The following ATP13A3 variants were observed in gnomAD, a reference collection of about 807,000 sequenced individuals.
ATP13A3 encodes the protein ATPase 13A3.
Under a neutral mutation model 158.1 loss-of-function variants are expected in ATP13A3, and 59 were observed. The ratio of observed to expected loss-of-function variants is 0.37; its 90% CI spans 0.30 to 0.46. The LOEUF is 0.46. ATP13A3 is among the 20% of genes least tolerant of loss of function. ATP13A3 has a pLI of 1.00. For synonymous variants in ATP13A3, 491 were observed against 504.3 expected, an observed-to-expected ratio of 0.97 and a Z score of 0.35; for missense variants, 1,166 against 1,525.2, an observed-to-expected ratio of 0.76 and a Z score of 3.92.
At chr3:194,473,760 G>A (rs1410661751) in intron 2 of ATP13A3, among the ~76,000 whole-genome samples, 2 of 152,076 alleles carry the variant, frequency 1.3e-5, no homozygotes, top group African/African-American at 2.4e-5. Flanking sequence ...GCAGCAGGGG[G>A]AAAAAACCTA....
At chr3:194,458,355 A>AT (rs57976870) in intron 6 of ATP13A3, among the ~76,000 whole-genome samples, 40 of 144,168 alleles carry the variant, frequency 2.8e-4, no homozygotes, top group South Asian at 2.1e-3. Context: ...AAAAAAAAAA[A>AT]TTTTTTTTTT....
intron 1 of ATP13A3, among the ~76,000 whole-genome samples, chr3:194,486,252 A>G (rs1720964438): frequency 7.0e-6 from 1 of 143,236 alleles, no homozygotes; most frequent in Admixed American, 6.7e-5. Context: ...GGGCCCTGCC[A>G]GCACCCCTAC....
intron 10 of ATP13A3, chr3:194,451,122 T>C (rs951721680): frequency 2.0e-5 from 3 of 152,220 alleles, no homozygotes; most frequent in African/African-American, 7.2e-5. Context: ...AGAAACTTAT[T>C]GTTTGTGATG....
chr3:194,483,062 G>A (rs554859284), intron 2 of ATP13A3, among the ~76,000 whole-genome samples: 28 of 150,462 alleles, frequency 1.9e-4, no homozygotes, highest in African/African-American at 5.9e-4. Flanking sequence ...AGCGGAGATC[G>A]CGCCTCTGCA....
intron 15 of ATP13A3, among the ~76,000 whole-genome samples, chr3:194,442,592 C>T (rs1718127787): frequency 6.6e-6 from 1 of 151,882 alleles, no homozygotes; most frequent in African/African-American, 2.4e-5. Flanking sequence ...TTGGAAAGAA[C>T]CAAGTAAACC....
At chr3:194,470,868 T>C (rs1720269381) in intron 2 of ATP13A3, among the ~76,000 whole-genome samples, 1 of 152,130 alleles carries the variant, frequency 6.6e-6, no homozygotes, top group Non-Finnish European at 1.5e-5. Flanking sequence ...CAGTGATAAG[T>C]CCCAGACTGA....
chr3:194,441,200 C>T lies in ATP13A3; in HGVS notation c.1710+111G>A, dbSNP rs1462987544. ...AAATTACATAGCTCCTTTTAGGGTACAAGATAGACTGTCATTAAAACAAAA... is the reference window on the plus strand; with the variant it reads ...AAATTACATAGCTCCTTTTAGGGTATAAGATAGACTGTCATTAAAACAAAA... On this transcript the variant is annotated intron_variant, in intron 16 of 33. Transcript: ENST00000645319. The T allele has an allele frequency of 2.1e-5, 18 of 853,652 alleles. 1 individual carries two copies. In the South Asian group the frequency reaches 3.2e-4, roughly 15 times the overall value. The allele number at this position is 853,652 out of a possible 1,614,324, so 52.9% of individuals were successfully genotyped here.
At chr3:194,479,090 A>G (rs549957752) in intron 2 of ATP13A3, among the ~76,000 whole-genome samples, 1 of 152,322 alleles carries the variant, frequency 6.6e-6, no homozygotes, top group Admixed American at 6.5e-5. Context: ...GAGATTAGAA[A>G]GGATTGGGGC....
intron 31 of ATP13A3, 114 bp downstream of exon 31, chr3:194,419,765 C>G: frequency 6.9e-7 from 1 of 1,445,176 alleles, no homozygotes; most frequent in South Asian, 1.5e-5. Flanking sequence ...TGTAGAGTAT[C>G]TTTGGGTTAA....
rs531797337 is a variant in ATP13A3, at chr3:194,463,898, G to A, written c.-46-1662C>T. Among the ~76,000 whole-genome samples, 22 of 152,324 alleles carry A rather than the reference G, an allele frequency of 1.4e-4. No homozygotes were observed. In the East Asian group the frequency reaches 2.5e-3, roughly 17 times the overall value. ...CTATCTGCCCAGCGTGGTGGCTCAC[G>A]CCTGTAATCCCAGCGCTCTGGGAGG... On this transcript the variant is annotated intron_variant, in intron 2 of 33. Transcript: ENST00000645319.
intron 13 of ATP13A3, 83 bp downstream of exon 13, chr3:194,447,769 C>T: frequency 7.9e-7 from 1 of 1,265,098 alleles, no homozygotes. Context: ...TCCTCATTCT[C>T]AGTAGCCACA....
rs754944163 is a variant in ATP13A3 at position 194,446,942 on chromosome 3, A to T, written c.1482T>A (p.Leu494=). Residue 494 remains leucine (L), a synonymous_variant, in exon 14 of 34, where the codon CTT becomes CTA. Transcript: ENST00000645319. ...CTGAACCCACCTTGTCAAAGCAAACAAGATTGAGCTGTCCACAAATATTTA... is the reference window on the plus strand; with the variant it reads ...CTGAACCCACCTTGTCAAAGCAAACTAGATTGAGCTGTCCACAAATATTTA... ...QRINICGQLN[L]VCFDKTGTLT... 4.2e-5 allele frequency: 68 copies of T among 1,605,454 alleles called. No homozygotes were observed.
At chr3:194,433,361 A>C (rs1264753203) in intron 21 of ATP13A3, among the ~76,000 whole-genome samples, 1 of 149,232 alleles carries the variant, frequency 6.7e-6, no homozygotes, top group Non-Finnish European at 1.5e-5. Context: ...CTCCTGCCTC[A>C]GCCTCCCGAG....
At chr3:194,432,020 C>T in intron 21 of ATP13A3, 128 bp from the exon 22 acceptor site, 1 of 723,344 alleles carries the variant, frequency 1.4e-6, no homozygotes. Context: ...ATGTATGGTT[C>T]TTCCACTTAC....
rs35230118 is a variant in ATP13A3, at chr3:194,453,280, T to TAAAAAAA, written c.838+419_838+425dup. Among the ~76,000 whole-genome samples the TAAAAAAA allele has an allele frequency of 4.1e-4, 41 of 100,952 alleles. 1 individual carries two copies. The East Asian group carries it at 0.01, about 26-fold the overall frequency. 66.2% of individuals were successfully genotyped at this position (100,952 alleles called of 152,430 possible). ...TGCAACAGTGAGACCACATCGACTT[T>TAAAAAAA]AAAAAAAAAAAAAAAAAAAAAAAGG... On this transcript the variant is annotated intron_variant, in intron 10 of 33. Coordinates refer to ENST00000645319, the MANE Select transcript of ATP13A3 (RefSeq NM_001367549.1).
intron 33 of ATP13A3, among the ~76,000 whole-genome samples, chr3:194,411,269 C>G (rs2108725277): frequency 1.3e-5 from 2 of 152,242 alleles, no homozygotes; most frequent in South Asian, 4.2e-4. Context: ...TAACCCAACT[C>G]AAAAATGCCA....
intron 6 of ATP13A3, among the ~76,000 whole-genome samples, chr3:194,457,561 A>G (rs1374392259): frequency 6.6e-6 from 1 of 152,170 alleles, no homozygotes; most frequent in Non-Finnish European, 1.5e-5. Flanking sequence ...AAAACATTTT[A>G]CTTTTTAGCT....
chr3:194,456,327 TA>T (rs1577074887), intron 7 of ATP13A3, among the ~76,000 whole-genome samples: 1 of 140,292 alleles, frequency 7.1e-6, no homozygotes, highest in Admixed American at 6.9e-5. Flanking sequence ...TGAGGGATCT[TA>T]TTTTTTTTTT....
At chr3:194,450,089 A>T in intron 11 of ATP13A3, 56 bp downstream of exon 11, 1 of 1,564,420 alleles carries the variant, frequency 6.4e-7, no homozygotes, top group Non-Finnish European at 8.8e-7. Flanking sequence ...TTACTCACTA[A>T]CTTAGTCATG....
Sources: gnomAD v4.1 joint callset for allele counts (sites outside exome capture counted in the v4.1 genomes callset) on GRCh38, gnomAD v4.1.1 for gene constraint, MANE v1.5 for transcripts, NCBI Gene and HGNC (gene_info 2026-07-23, HGNC 2026-07-21) for gene names.